The following ZIM2 variants were observed in gnomAD, a reference collection of about 807,000 sequenced individuals.
ZIM2 encodes the protein zinc finger protein 656.
A neutral mutation model predicts 38.6 loss-of-function variants in ZIM2; 14 were observed. The ratio of observed to expected loss-of-function variants is 0.36; its 90% CI spans 0.24 to 0.57. The LOEUF is 0.57. Ranked by LOEUF, ZIM2 falls within the 20% of genes least tolerant of loss-of-function variation. ZIM2 has a pLI of 0.81. For missense variants in ZIM2, 680 were observed against 695.1 expected (o/e 0.98, Z 0.24); for synonymous variants, 247 against 245.8 (o/e 1.00, Z -0.04).
At chr19:56,777,349 T>G (rs1382312468) in intron 12 of ZIM2, among the ~76,000 whole-genome samples, 3 of 152,230 alleles carry the variant, frequency 2.0e-5, no homozygotes, top group African/African-American at 7.2e-5. Context: ...TTCCTTACCC[T>G]GCTGTATATC....
intron 10 of ZIM2, among the ~76,000 whole-genome samples, chr19:56,785,518 C>T (rs1169617797): frequency 2.0e-5 from 3 of 152,036 alleles, no homozygotes; most frequent in Admixed American, 2.0e-4. Flanking sequence ...TTAACAAGAA[C>T]ACTGGAGAAC....
intron 10 of ZIM2, among the ~76,000 whole-genome samples, chr19:56,786,693 C>CT (rs933881768): frequency 6.6e-6 from 1 of 152,138 alleles, no homozygotes; most frequent in African/African-American, 2.4e-5. Context: ...TTGAATTTCA[C>CT]TAAGTTTTAA....
At chr19:56,799,594 C>A (rs761669887) in intron 9 of ZIM2, 2 of 151,992 alleles carry the variant, frequency 1.3e-5, no homozygotes, top group Non-Finnish European at 2.9e-5. Flanking sequence ...CACATGTACC[C>A]CTGACCTTAA....
At chr19:56,788,605 A>C (rs1377709385) in intron 10 of ZIM2, among the ~76,000 whole-genome samples, 1 of 152,130 alleles carries the variant, frequency 6.6e-6, no homozygotes, top group African/African-American at 2.4e-5. Context: ...AACCTTGGTG[A>C]ATCTGATGAT....
chr19:56,811,006 C>G (rs1250564597), intron 9 of ZIM2: 1 of 974,256 alleles, frequency 1.0e-6, no homozygotes, highest in African/African-American at 1.8e-5. Flanking sequence ...TTTGAATATA[C>G]ATTTTGACAC....
At chr19:56,824,575 C>G (rs778055554) in intron 3 of ZIM2, 148 bp from the exon 4 acceptor site, 14 of 1,614,148 alleles carry the variant, frequency 8.7e-6, no homozygotes, top group Middle Eastern at 1.7e-4. Flanking sequence ...GCTCCTTAGT[C>G]AAGTCACTGT....
chr19:56,820,594 C>T (rs1394106488), intron 7 of ZIM2, among the ~76,000 whole-genome samples: 1 of 152,192 alleles, frequency 6.6e-6, no homozygotes, highest in East Asian at 1.9e-4. Context: ...TCCCCTCCCC[C>T]AACACCTGAC....
rs1555787294 is a variant in ZIM2 at position 56,774,561 on chromosome 19, T to TTTA, written c.*126_*127insTAA. 2.9e-5 allele frequency: 41 copies of TTTA among 1,390,562 alleles called. No homozygotes were observed. Among genetic ancestry groups the TTTA allele is most frequent in the Non-Finnish European group, 3.4e-5 (36 of 1,047,882 alleles). The allele number at this position is 1,390,562 out of a possible 1,614,324, so 86.1% of individuals were successfully genotyped here. ...AAAATTGCAACTTTTTTTTTTTTTT[T>TTTA]ACCACACTTTGATGAATGTTCAAGT... On this transcript the variant is annotated 3_prime_UTR_variant, in exon 13 of 13. Coordinates refer to ENST00000629319, the MANE Select transcript of ZIM2 (RefSeq NM_001387356.1).
intron 9 of ZIM2, among the ~76,000 whole-genome samples, chr19:56,792,134 T>C (rs1033710923): frequency 1.8e-4 from 26 of 148,184 alleles, no homozygotes; most frequent in African/African-American, 6.0e-4. Context: ...CTCAGAGAAA[T>C]AGTATATGTT....
At chr19:56,823,109 C>T (rs983661439) in intron 5 of ZIM2, among the ~76,000 whole-genome samples, 1 of 152,210 alleles carries the variant, frequency 6.6e-6, no homozygotes, top group Admixed American at 6.5e-5. Flanking sequence ...AGACTCTTTG[C>T]TGGCTTCCCA....
Position 56,822,806 on chromosome 19 carries a change from C to T in ZIM2, c.137G>A (p.Ser46Asn). 1 of 1,614,144 alleles carries T rather than the reference C, an allele frequency of 6.2e-7. No homozygotes were observed. The change falls in exon 6 of 13, where the codon AGC becomes AAC. Residue 46 changes from serine (S) to asparagine (N), a missense_variant. Coordinates refer to ENST00000629319, the MANE Select transcript of ZIM2 (RefSeq NM_001387356.1). ...GCGGTCTCGTGGCTCCATGTCTCTG[C>T]TTCTGCCCCTCCGGTCCCAGTCCCG... Reference protein sequence around the residue: ...GDRDWDRRGRSRDMEPRDRWS... With the variant: ...GDRDWDRRGRNRDMEPRDRWS...
intron 1 of ZIM2, among the ~76,000 whole-genome samples, chr19:56,838,677 C>T (rs2062516473): frequency 6.6e-6 from 1 of 152,188 alleles, no homozygotes; most frequent in Non-Finnish European, 1.5e-5. Context: ...TAAATGGCTC[C>T]GCGGCCGCTA....
rs764269213 is a variant in ZIM2, at chr19:56,814,744, C to T, written c.490+3002G>A. 3 of 1,614,000 alleles carry T rather than the reference C, an allele frequency of 1.9e-6. No homozygotes were observed. The highest frequency in any genetic ancestry group is 1.3e-5 in the African/African-American group (1 of 74,920). On this transcript the variant is annotated intron_variant, in intron 9 of 12. Transcript: ENST00000629319. The surrounding 1 kb of genome is among the most constrained non-coding windows in gnomAD (Gnocchi z 5.8). The stretch of plus-strand genomic sequence containing the variant: ...ATTAAGGGCAGAGCTATGAATGAAG[C>T]CTTGTCCACACAAAAGGCATCGAAT...
chr19:56,838,076 G>A (rs994498211), intron 1 of ZIM2, among the ~76,000 whole-genome samples: 2 of 152,200 alleles, frequency 1.3e-5, no homozygotes, highest in African/African-American at 2.4e-5. Flanking sequence ...GTACACCGTG[G>A]CTGCCACCTA....
intron 1 of ZIM2, among the ~76,000 whole-genome samples, chr19:56,837,482 G>A (rs1160378247): frequency 6.6e-6 from 1 of 152,188 alleles, no homozygotes. Flanking sequence ...TAAAACGTCT[G>A]AGTTTGGCCT....
In ZIM2 at chr19:56,818,450, C is replaced by T. The variant is rs543073127; in HGVS notation, c.397+150G>A. On this transcript the variant is annotated intron_variant, in intron 8 of 12. Coordinates refer to ENST00000629319, the MANE Select transcript of ZIM2 (RefSeq NM_001387356.1). ...TTAAAAACACAAATTTTATCATTTACTCCCTCATTTGAAATCTTTCAAAGA... is the reference window on the plus strand; with the variant it reads ...TTAAAAACACAAATTTTATCATTTATTCCCTCATTTGAAATCTTTCAAAGA... 2.9e-5 allele frequency: 24 copies of T among 825,688 alleles called. No individual in the cohort carries two copies. In the South Asian group the frequency reaches 4.4e-4, roughly 15 times the overall value. The allele number at this position is 825,688 out of a possible 1,614,324, so 51.1% of individuals were successfully genotyped here.
intron 9 of ZIM2, among the ~76,000 whole-genome samples, chr19:56,796,231 T>C (rs2047219713): frequency 1.3e-5 from 2 of 152,220 alleles, no homozygotes. Flanking sequence ...AGTATTTGCA[T>C]ATAATCTATG....
intron 2 of ZIM2, among the ~76,000 whole-genome samples, chr19:56,827,914 C>T (rs971314111): frequency 7.2e-5 from 11 of 152,270 alleles, no homozygotes; most frequent in African/African-American, 2.4e-4. Flanking sequence ...GATGACTAAT[C>T]GCAATTGCCT....
chr19:56,799,473 A>C (rs1467010047), intron 9 of ZIM2: 1 of 152,240 alleles, frequency 6.6e-6, no homozygotes, highest in African/African-American at 2.4e-5. Context: ...GAGGGAGAGC[A>C]TCGGGAAGAA....
Sources: gnomAD v4.1 joint callset for allele counts (sites outside exome capture counted in the v4.1 genomes callset) on GRCh38, gnomAD v4.1.1 for gene constraint, Gnocchi (gnomAD v3.1) non-coding constraint, MANE v1.5 for transcripts, NCBI Gene and HGNC (gene_info 2026-07-23, HGNC 2026-07-21) for gene names.